METTL24: variants seen among roughly 807,000 people sequenced by gnomAD.
The protein encoded by METTL24 is probable methyltransferase-like protein 24.
Under a neutral mutation model 32.7 loss-of-function variants are expected in METTL24, and 29 were observed. That is an observed-to-expected ratio of 0.89 (90% CI 0.66 to 1.21). The LOEUF is 1.21. Among genes scored for constraint, METTL24 ranks in the 50% most tolerant of loss-of-function variants. The probability of loss-of-function intolerance (pLI) is 0.00; values close to 1 mark genes in which losing one functional copy is unlikely to be tolerated. For synonymous variants in METTL24, 163 were observed against 179.5 expected, an observed-to-expected ratio of 0.91 and a Z score of 0.73; for missense variants, 439 against 468.1, an observed-to-expected ratio of 0.94 and a Z score of 0.57.
intron 3 of METTL24, among the ~76,000 whole-genome samples, chr6:110,314,462 T>C (rs1466461653): frequency 1.3e-5 from 2 of 152,184 alleles, no homozygotes; most frequent in Non-Finnish European, 2.9e-5. Flanking sequence ...ACTTAATTCA[T>C]TTGTACATCT....
At chr6:110,287,023 T>C (rs1771233895) in intron 4 of METTL24, among the ~76,000 whole-genome samples, 1 of 152,218 alleles carries the variant, frequency 6.6e-6, no homozygotes, top group South Asian at 2.1e-4. Flanking sequence ...ATGTATCTAT[T>C]CCATTGGCTC....
intron 1 of METTL24, among the ~76,000 whole-genome samples, chr6:110,337,025 T>C (rs1772248952): frequency 6.6e-6 from 1 of 152,084 alleles, no homozygotes; most frequent in South Asian, 2.1e-4. Context: ...TCAACCTAAA[T>C]ACCCATGAGT....
intron 1 of METTL24, among the ~76,000 whole-genome samples, chr6:110,349,166 C>T (rs1319270869): frequency 2.6e-5 from 4 of 152,178 alleles, no homozygotes; most frequent in African/African-American, 9.7e-5. Flanking sequence ...TGACCGCTGG[C>T]ATTGCTTGCT....
chr6:110,301,468 A>C (rs1175891794), intron 3 of METTL24, among the ~76,000 whole-genome samples: 1 of 152,208 alleles, frequency 6.6e-6, no homozygotes, highest in African/African-American at 2.4e-5. Flanking sequence ...GGAGTGTGCC[A>C]GTCCAGATCC....
At chr6:110,353,878 T>A (rs1772657818) in intron 1 of METTL24, among the ~76,000 whole-genome samples, 2 of 152,110 alleles carry the variant, frequency 1.3e-5, no homozygotes, top group Non-Finnish European at 2.9e-5. Flanking sequence ...TAGTCCTCTA[T>A]AAATCCCTTC....
chr6:110,346,478 G>A (rs1390675241), intron 1 of METTL24, among the ~76,000 whole-genome samples: 1 of 149,488 alleles, frequency 6.7e-6, no homozygotes, highest in Non-Finnish European at 1.5e-5. Flanking sequence ...CAGTTCCTTT[G>A]TCCCTATATT....
chr6:110,303,773 C>T (rs539873239), intron 3 of METTL24, among the ~76,000 whole-genome samples: 1 of 152,320 alleles, frequency 6.6e-6, no homozygotes, highest in African/African-American at 2.4e-5. Context: ...CTACTGGCTC[C>T]GAAGACAGCA....
chr6:110,260,224 T>A (rs1374132794), intron 4 of METTL24, among the ~76,000 whole-genome samples: 1 of 152,144 alleles, frequency 6.6e-6, no homozygotes, highest in African/African-American at 2.4e-5. Flanking sequence ...TGAAAAAAGA[T>A]TAGACGAATG....
At chr6:110,342,385 G>A (rs1185744628) in intron 1 of METTL24, among the ~76,000 whole-genome samples, 1 of 152,190 alleles carries the variant, frequency 6.6e-6, no homozygotes, top group Admixed American at 6.5e-5. Flanking sequence ...CCAGCATGTG[G>A]GCTCCACATT....
chr6:110,322,536 T>G (rs1719151698), intron 2 of METTL24, among the ~76,000 whole-genome samples: 1 of 152,218 alleles, frequency 6.6e-6, no homozygotes, highest in African/African-American at 2.4e-5. Flanking sequence ...TTGGGATGAA[T>G]CATTTAAACA....
At chr6:110,304,908 G>A (rs1345301711) in intron 3 of METTL24, among the ~76,000 whole-genome samples, 1 of 152,216 alleles carries the variant, frequency 6.6e-6, no homozygotes, top group African/African-American at 2.4e-5. Context: ...AAGCCAGAGA[G>A]AAAGGTCAGG....
intron 4 of METTL24, among the ~76,000 whole-genome samples, chr6:110,248,745 C>A (rs1778218595): frequency 6.6e-6 from 1 of 151,462 alleles, no homozygotes; most frequent in African/African-American, 2.4e-5. Context: ...TATAGTGAGA[C>A]CTCATCTCTA....
chr6:110,301,592 C>T (rs1771518131), intron 3 of METTL24, among the ~76,000 whole-genome samples: 1 of 152,164 alleles, frequency 6.6e-6, no homozygotes, highest in African/African-American at 2.4e-5. Flanking sequence ...CAGAACCTCC[C>T]TTAGCCATCT....
intron 4 of METTL24, among the ~76,000 whole-genome samples, chr6:110,280,457 G>C (rs760199285): frequency 1.3e-5 from 2 of 152,000 alleles, no homozygotes; most frequent in Admixed American, 1.3e-4. Context: ...GAGCAAATAT[G>C]TTGTTTCCAG....
intron 4 of METTL24, among the ~76,000 whole-genome samples, chr6:110,264,298 A>C (rs1249683818): frequency 1.3e-5 from 2 of 152,248 alleles, no homozygotes; most frequent in Non-Finnish European, 2.9e-5. Context: ...AACCCCATCA[A>C]CAAGTGGGGA....
chr6:110,344,749 C>T (rs1013118339), intron 1 of METTL24, among the ~76,000 whole-genome samples: 2 of 152,100 alleles, frequency 1.3e-5, no homozygotes, highest in Non-Finnish European at 2.9e-5. Context: ...TGAAACTAGG[C>T]CCCTTCCTTG....
Position 110,245,864 on chromosome 6 carries a change from G to C in METTL24, c.*82C>G. 7.3e-7 allele frequency: 1 copy of C among 1,361,728 alleles called. No individual in the cohort carries two copies. The highest frequency in any genetic ancestry group is 2.3e-5 in the East Asian group (1 of 43,512). The allele number at this position is 1,361,728 out of a possible 1,614,324, so 84.4% of individuals were successfully genotyped here. On this transcript the variant is annotated 3_prime_UTR_variant, in exon 5 of 5. Coordinates refer to ENST00000338882, the MANE Select transcript of METTL24 (RefSeq NM_001123364.3). ...GCAGGGCACAGGCTAGCAGGAGACT[G>C]GATGAGTAAACTCATGATTAGAATT...
intron 4 of METTL24, among the ~76,000 whole-genome samples, chr6:110,290,031 T>C (rs1771290531): frequency 6.6e-6 from 1 of 152,260 alleles, no homozygotes; most frequent in Admixed American, 6.5e-5. Context: ...TCCTCCTGCC[T>C]CAGCCTCCTG....
chr6:110,334,158 C>T (rs1294474448), intron 1 of METTL24, among the ~76,000 whole-genome samples: 1 of 152,156 alleles, frequency 6.6e-6, no homozygotes, highest in Non-Finnish European at 1.5e-5. Flanking sequence ...ATCTTCCCCA[C>T]GAGAGAACCT....
Sources: gnomAD v4.1 joint callset for allele counts (sites outside exome capture counted in the v4.1 genomes callset) on GRCh38, gnomAD v4.1.1 for gene constraint, MANE v1.5 for transcripts, NCBI Gene and HGNC (gene_info 2026-07-23, HGNC 2026-07-21) for gene names.